FAM184A: variants seen among roughly 807,000 people sequenced by gnomAD.
FAM184A encodes family with sequence similarity 184 member A, also known as protein FAM184A.
In FAM184A, 99 loss-of-function variants were observed where a neutral mutation model predicts 143.8. The ratio of observed to expected loss-of-function variants is 0.69; its 90% CI spans 0.58 to 0.81. The LOEUF (loss-of-function observed/expected upper bound fraction) is 0.81. Ranked by LOEUF, FAM184A falls within the 40% of genes least tolerant of loss-of-function variation. The pLI is 0.00. For synonymous variants in FAM184A, 427 were observed against 446.4 expected (o/e 0.96, Z 0.55); for missense variants, 1,217 against 1,310.5 (o/e 0.93, Z 1.10).
At chr6:118,996,111 T>C (rs1377877065) in intron 9 of FAM184A, among the ~76,000 whole-genome samples, 1 of 152,174 alleles carries the variant, frequency 6.6e-6, no homozygotes, top group African/African-American at 2.4e-5. Context: ...TAAGGGAGTT[T>C]TGGGTAGGGA....
rs377215593 is a variant in FAM184A, at chr6:118,997,101, G to A, written c.2088+5798C>T. On this transcript the variant is annotated intron_variant, in intron 9 of 17. Transcript: ENST00000338891. ...ACTTCCATCTATTCTTCCATTGAAA[G>A]TTGAAAGGTAGTGGTATGGCTGGGC... 1.8e-4 allele frequency among the ~76,000 whole-genome samples: 28 copies of A among 151,808 alleles called. No homozygotes were observed. In the East Asian group the frequency reaches 4.7e-3, roughly 25 times the overall value.
intron 1 of FAM184A, among the ~76,000 whole-genome samples, chr6:119,125,469 C>T (rs958371607): frequency 1.5e-4 from 23 of 152,234 alleles, no homozygotes; most frequent in African/African-American, 5.5e-4. Flanking sequence ...GATGAGGTTT[C>T]ACTGTGTTGT....
chr6:119,021,728 C>T (rs147980296), intron 3 of FAM184A, among the ~76,000 whole-genome samples: 41 of 152,218 alleles, frequency 2.7e-4, no homozygotes, highest in African/African-American at 9.6e-4. Flanking sequence ...GAAATCCCAG[C>T]ACTTTGGGAG....
intron 6 of FAM184A, among the ~76,000 whole-genome samples, chr6:119,010,690 A>G (rs964338745): frequency 3.4e-4 from 51 of 152,182 alleles, no homozygotes; most frequent in African/African-American, 1.2e-3. Flanking sequence ...TTAACTGTAC[A>G]AATATTCCAT....
intron 3 of FAM184A, among the ~76,000 whole-genome samples, chr6:119,022,053 CTTTTTTT>C (rs34128659): frequency 7.1e-5 from 6 of 84,392 alleles, no homozygotes; most frequent in African/African-American, 1.8e-4. Context: ...TTCGTTCTTT[CTTTTTTT>C]TTTTTTTTTT....
intron 1 of FAM184A, 106 bp from the exon 2 acceptor site, chr6:119,024,919 T>C: frequency 3.8e-6 from 4 of 1,065,012 alleles, no homozygotes; most frequent in Non-Finnish European, 5.4e-6. Flanking sequence ...GCACATAATA[T>C]TGGCTACAGC....
At chr6:119,096,608 AGTCCG>A (rs1380776204) in intron 1 of FAM184A, among the ~76,000 whole-genome samples, 2 of 27,546 alleles carry the variant, frequency 7.3e-5, no homozygotes, top group Admixed American at 1.2e-3. Flanking sequence ...TGCAGTCCGC[AGTCCG>A]GCCTGGGCGA....
intron 14 of FAM184A, among the ~76,000 whole-genome samples, chr6:118,967,909 A>G (rs1405607541): frequency 6.6e-6 from 1 of 152,210 alleles, no homozygotes; most frequent in East Asian, 1.9e-4. Flanking sequence ...ATCTTCCAGA[A>G]ATCAGTTATA....
At chr6:119,148,064 T>C (rs938108273) in intron 1 of FAM184A, among the ~76,000 whole-genome samples, 39 of 152,322 alleles carry the variant, frequency 2.6e-4, no homozygotes, top group African/African-American at 9.1e-4. Context: ...ATGGAACCTA[T>C]AACCTGCTTA....
At chr6:119,000,413 A>C (rs995895641) in intron 9 of FAM184A, among the ~76,000 whole-genome samples, 4 of 152,254 alleles carry the variant, frequency 2.6e-5, no homozygotes, top group African/African-American at 9.6e-5. Flanking sequence ...ACACAATGAA[A>C]TATTAAAAGG....
At chr6:119,049,315 G>A (rs1786657329) in intron 1 of FAM184A, among the ~76,000 whole-genome samples, 1 of 152,230 alleles carries the variant, frequency 6.6e-6, no homozygotes, top group African/African-American at 2.4e-5. Context: ...GGGCGTGGTG[G>A]CGGGCACCTA....
chr6:118,999,485 G>A (rs763175033), intron 9 of FAM184A, among the ~76,000 whole-genome samples: 10 of 151,906 alleles, frequency 6.6e-5, no homozygotes, highest in Non-Finnish European at 1.2e-4. Context: ...TGTATTCCTC[G>A]TAATGCCTGG....
At chr6:119,086,326 TAAAAGTCTAGTG>T (rs1304934714) in intron 1 of FAM184A, among the ~76,000 whole-genome samples, 2 of 152,214 alleles carry the variant, frequency 1.3e-5, no homozygotes, top group Non-Finnish European at 1.5e-5. Context: ...CTGAGGAAGT[TAAAAGTCTAGTG>T]AAGACAGACA....
At chr6:119,074,719 T>C (rs978551156) in intron 1 of FAM184A, among the ~76,000 whole-genome samples, 1 of 152,222 alleles carries the variant, frequency 6.6e-6, no homozygotes, top group Non-Finnish European at 1.5e-5. Flanking sequence ...TAAAACATAA[T>C]TGAATCCATC....
intron 15 of FAM184A, among the ~76,000 whole-genome samples, chr6:118,965,488 A>C (rs899349092): frequency 2.0e-5 from 3 of 152,184 alleles, no homozygotes; most frequent in African/African-American, 7.2e-5. Context: ...TTCACCAACA[A>C]GATGTTCTAA....
In FAM184A at chr6:118,977,665, G is replaced by A. The variant is rs183165783; in HGVS notation, c.2456-1621C>T. 2.0e-3 allele frequency among the ~76,000 whole-genome samples: 309 copies of A among 152,264 alleles called. 2 individuals are homozygous for A. The highest frequency in any genetic ancestry group is 4.4e-3 in the South Asian group (21 of 4,820). ...CCTGACAAAATCATAGAAATGAACA[G>A]GGTAATGGTTGCCAGGTGTTATAGG... is the stretch of plus-strand genomic sequence containing the variant. On this transcript the variant is annotated intron_variant, in intron 11 of 17. Transcript: ENST00000338891.
intron 1 of FAM184A, among the ~76,000 whole-genome samples, chr6:119,055,859 C>T (rs2114756398): frequency 6.6e-6 from 1 of 152,252 alleles, no homozygotes; most frequent in Non-Finnish European, 1.5e-5. Context: ...AATAAATCTA[C>T]CCTCTTCTTC....
chr6:119,002,841 G>C (rs1784803513), intron 9 of FAM184A, 58 bp downstream of exon 9: 11 of 1,410,192 alleles, frequency 7.8e-6, no homozygotes, highest in Non-Finnish European at 1.0e-5. Context: ...TACAATATTT[G>C]CCTAGCCAGA....
At position 119,024,617 on chromosome 6, in the gene FAM184A, A is replaced by C; in HGVS notation, c.356T>G (p.Ile119Arg). The change falls in exon 2 of 18, where the codon ATA becomes AGA. Residue 119 changes from isoleucine (I) to arginine (R), a missense_variant. By Grantham distance (97) the Ile-to-Arg change is moderately conservative. Transcript: ENST00000338891. ...QVLESSLEDH[I>R]KMKQQALTEF... Reference sequence around the variant, plus strand: ...TGTCAAAGCCTGCTGCTTCATTTTTATGTGATCTTCTAATGATGATTCTAA... The same window carrying C: ...TGTCAAAGCCTGCTGCTTCATTTTTCTGTGATCTTCTAATGATGATTCTAA... 1 of 1,614,030 alleles carries C rather than the reference A, an allele frequency of 6.2e-7. No individual in the cohort carries two copies. The highest frequency in any genetic ancestry group is 8.5e-7 in the Non-Finnish European group (1 of 1,180,000).
Sources: allele counts gnomAD v4.1 joint callset (sites outside exome capture counted in the v4.1 genomes callset), GRCh38; gene constraint gnomAD v4.1.1; transcripts MANE v1.5; gene names NCBI Gene and HGNC (gene_info 2026-07-23, HGNC 2026-07-21).